SLC6A5: variants seen among roughly 807,000 people sequenced by gnomAD.
SLC6A5 encodes the protein solute carrier family 6 member 5.
Under a neutral mutation model 90.5 loss-of-function variants are expected in SLC6A5, and 58 were observed. The observed-to-expected ratio is 0.64, with a 90% CI of 0.52 to 0.80. SLC6A5 has a LOEUF of 0.80. SLC6A5 is among the 30% of genes least tolerant of loss of function. The pLI is 0.00. For synonymous variants in SLC6A5, 427 were observed against 401.4 expected, an observed-to-expected ratio of 1.06 and a Z score of -0.76; for missense variants, 1,015 against 1,017.6, an observed-to-expected ratio of 1.00 and a Z score of 0.03.
intron 4 of SLC6A5, 32 bp downstream of exon 4, chr11:20,607,170 G>A: frequency 6.3e-7 from 1 of 1,582,864 alleles, no homozygotes; most frequent in Admixed American, 1.8e-5. Flanking sequence ...GCCTCCTCAG[G>A]CCCTTTCTTA....
intron 7 of SLC6A5, among the ~76,000 whole-genome samples, chr11:20,621,061 C>T (rs1309724173): frequency 6.6e-6 from 1 of 152,128 alleles, no homozygotes; most frequent in East Asian, 1.9e-4. Context: ...CCTTAGCCTC[C>T]CAAGGTGCTA....
chr11:20,604,739 T>C (rs1852545915), intron 3 of SLC6A5, among the ~76,000 whole-genome samples: 1 of 152,096 alleles, frequency 6.6e-6, no homozygotes. Context: ...GGTCAAGTGT[T>C]CAGAGAGCGG....
At chr11:20,609,593 C>T (rs972831591) in intron 5 of SLC6A5, among the ~76,000 whole-genome samples, 10 of 152,182 alleles carry the variant, frequency 6.6e-5, no homozygotes, top group African/African-American at 2.4e-4. Context: ...AAACTCTTTC[C>T]CCAGCATTTC....
At chr11:20,618,979 CAA>C (rs1491477381) in intron 7 of SLC6A5, among the ~76,000 whole-genome samples, 11 of 146,522 alleles carry the variant, frequency 7.5e-5, no homozygotes, top group Non-Finnish European at 1.5e-4. Context: ...CACACACACA[CAA>C]AGAAAAACCT....
chr11:20,600,344 A>G (rs149883299), intron 1 of SLC6A5, among the ~76,000 whole-genome samples: 150 of 60,502 alleles, frequency 2.5e-3, no homozygotes, highest in South Asian at 5.8e-3. Context: ...AGGAAGAAGA[A>G]GAAGAAGAAG....
chr11:20,630,834 CCTG>C lies in SLC6A5; in HGVS notation c.1624+23_1624+25del. Reference sequence around the variant, plus strand: ...GACCAAGGTACAGGACAGTTGTTACCCTGCTGTTGCAGGGCAGGTCCCAGGCTC... The same window carrying C: ...GACCAAGGTACAGGACAGTTGTTACCCTGTTGCAGGGCAGGTCCCAGGCTC... On this transcript the variant is annotated intron_variant, in intron 10 of 15. Coordinates refer to ENST00000525748, the MANE Select transcript of SLC6A5 (RefSeq NM_004211.5). The C allele has an allele frequency of 1.2e-6, 2 of 1,613,758 alleles. No homozygotes were observed. The highest frequency in any genetic ancestry group is 2.7e-5 in the African/African-American group (2 of 75,036).
At position 20,607,606 on chromosome 11, in the gene SLC6A5, C is replaced by T. The variant is rs771246769; in HGVS notation, c.939C>T (p.Asn313=). ...VSVLPWGSCN[N]PWNTPECKDK... is the part of the protein sequence containing the mutation. ...TACTACCCTGGGGCTCCTGCAACAACCCTTGGAATACGCCAGAATGCAAAG... is the reference window on the plus strand; with the variant it reads ...TACTACCCTGGGGCTCCTGCAACAATCCTTGGAATACGCCAGAATGCAAAG... Residue 313 remains asparagine, a synonymous_variant, in exon 5 of 16, where the codon AAC becomes AAT. Transcript: ENST00000525748. 6.2e-7 allele frequency: 1 copy of T among 1,614,112 alleles called. No individual in the cohort carries two copies. Among genetic ancestry groups the T allele is most frequent in the South Asian group, 1.1e-5 (1 of 91,082 alleles).
intron 10 of SLC6A5, among the ~76,000 whole-genome samples, chr11:20,632,520 C>T (rs1383353784): frequency 1.3e-5 from 2 of 152,168 alleles, no homozygotes; most frequent in African/African-American, 4.8e-5. Flanking sequence ...AGGGTAGGGG[C>T]ACTTCTAACA....
intron 7 of SLC6A5, among the ~76,000 whole-genome samples, chr11:20,622,451 C>T (rs1271298515): frequency 2.6e-5 from 4 of 152,214 alleles, no homozygotes; most frequent in Non-Finnish European, 5.9e-5. Context: ...TTGCCTCCCC[C>T]TAGTCCTGGC....
intron 13 of SLC6A5, among the ~76,000 whole-genome samples, chr11:20,645,507 A>T (rs563025581): frequency 1.3e-5 from 2 of 152,176 alleles, no homozygotes; most frequent in Admixed American, 6.5e-5. Flanking sequence ...CAAGCGACCA[A>T]GGTCTAGAAA....
chr11:20,630,240 G>A (rs1853082626), intron 9 of SLC6A5, among the ~76,000 whole-genome samples: 1 of 152,184 alleles, frequency 6.6e-6, no homozygotes, highest in Admixed American at 6.5e-5. Context: ...CCTTGTTGCT[G>A]TGTCTTCATA....
chr11:20,654,936 T>C lies in SLC6A5; in HGVS notation c.*68T>C. 1 of 1,464,542 alleles carries C rather than the reference T, an allele frequency of 6.8e-7. No individual in the cohort carries two copies. Among genetic ancestry groups the C allele is most frequent in the Non-Finnish European group, 9.6e-7 (1 of 1,043,502 alleles). 90.7% of individuals were successfully genotyped at this position (1,464,542 alleles called of 1,614,324 possible). ...CTCTGCCTCCTCCTAATGTTTTCCATAGCTCTCCTCCCATTTTTCTTCATC... is the reference window on the plus strand; with the variant it reads ...CTCTGCCTCCTCCTAATGTTTTCCACAGCTCTCCTCCCATTTTTCTTCATC... On this transcript the variant is annotated 3_prime_UTR_variant, in exon 16 of 16. Transcript: ENST00000525748.
intron 1 of SLC6A5, 26 bp from the exon 2 acceptor site, chr11:20,601,103 G>T: frequency 6.4e-7 from 1 of 1,574,082 alleles, no homozygotes; most frequent in Middle Eastern, 1.7e-4. Context: ...ACTTTGTTTT[G>T]CACGAACTTG....
At chr11:20,626,254 A>G (rs1018663498) in intron 7 of SLC6A5, among the ~76,000 whole-genome samples, 2 of 152,220 alleles carry the variant, frequency 1.3e-5, no homozygotes, top group African/African-American at 4.8e-5. Context: ...TTCTAATATC[A>G]TGTTCTTCTG....
At position 20,646,892 on chromosome 11, in the gene SLC6A5, C is replaced by G; in HGVS notation, c.2028C>G (p.Phe676Leu). 1 of 1,613,878 alleles carries G rather than the reference C, an allele frequency of 6.2e-7. No homozygotes were observed. Among genetic ancestry groups the G allele is most frequent in the Non-Finnish European group, 8.5e-7 (1 of 1,179,846 alleles). ...TGATTGGATTCCAGCCTAACATCTTCTGGAAAGTCTGCTGGGCATTTGTAA... is the reference window on the plus strand; with the variant it reads ...TGATTGGATTCCAGCCTAACATCTTGTGGAAAGTCTGCTGGGCATTTGTAA... The part of the protein sequence containing the change: ...EMMIGFQPNI[F>L]WKVCWAFVTP... Residue 676 changes from phenylalanine to leucine, a missense_variant, in exon 14 of 16, where the codon TTC (phenylalanine) becomes TTG (leucine). By Grantham distance (22) the Phe-to-Leu change is conservative. Coordinates refer to ENST00000525748, the MANE Select transcript of SLC6A5 (RefSeq NM_004211.5).
intron 7 of SLC6A5, among the ~76,000 whole-genome samples, chr11:20,626,139 T>C (rs879284439): frequency 2.0e-5 from 3 of 152,236 alleles, no homozygotes; most frequent in Non-Finnish European, 4.4e-5. Context: ...TTATCCTTGA[T>C]TTACAGATAC....
intron 3 of SLC6A5, among the ~76,000 whole-genome samples, 157 bp from the exon 4 acceptor site, chr11:20,606,827 GCTCTTAAATATCTGTGGGTGACT>G: frequency 6.6e-6 from 1 of 152,304 alleles, no homozygotes; most frequent in Non-Finnish European, 1.5e-5. Flanking sequence ...TTGGAGGAAG[GCTCTTAAATATCTGTGGGTGACT>G]GTTGCTGAAA....
intron 14 of SLC6A5, among the ~76,000 whole-genome samples, chr11:20,650,123 C>G (rs7111588): frequency 0.58 from 88,519 of 151,814 alleles, 26,451 homozygotes; most frequent in East Asian, 0.89. Flanking sequence ...ATCACTTTTG[C>G]GCAGTTATTT....
intron 5 of SLC6A5, among the ~76,000 whole-genome samples, chr11:20,609,737 C>G (rs1852659676): frequency 6.6e-6 from 1 of 152,200 alleles, no homozygotes; most frequent in African/African-American, 2.4e-5. Flanking sequence ...TCGTGTGCAG[C>G]TTGGAGCTGC....
Sources: allele counts gnomAD v4.1 joint callset (sites outside exome capture counted in the v4.1 genomes callset), GRCh38; gene constraint gnomAD v4.1.1; transcripts MANE v1.5; gene names NCBI Gene and HGNC (gene_info 2026-07-23, HGNC 2026-07-21).